The following FRMD4A variants were observed in gnomAD, a reference collection of about 807,000 sequenced individuals.
FRMD4A encodes FERM domain-containing protein 4A.
Under a neutral mutation model 129.1 loss-of-function variants are expected in FRMD4A, and 29 were observed. The observed-to-expected ratio is 0.22, with a 90% CI of 0.17 to 0.31. The LOEUF (loss-of-function observed/expected upper bound fraction) is 0.31. FRMD4A is among the 10% of genes least tolerant of loss of function. FRMD4A has a pLI of 1.00. For missense variants in FRMD4A, 1,272 were observed against 1,375.8 expected, an observed-to-expected ratio of 0.92 and a Z score of 1.19; for synonymous variants, 634 against 571.6, an observed-to-expected ratio of 1.11 and a Z score of -1.56.
intron 2 of FRMD4A, among the ~76,000 whole-genome samples, chr10:14,328,489 A>C (rs1843374728): frequency 6.6e-6 from 1 of 152,032 alleles, no homozygotes; most frequent in South Asian, 2.1e-4. Context: ...GTATAGAAGA[A>C]AGGTCCAAGT....
Position 13,755,130 on chromosome 10 carries a change from C to T in FRMD4A, c.464+6517G>A, listed in dbSNP as rs76999567. On this transcript the variant is annotated intron_variant, in intron 8 of 24. Coordinates refer to ENST00000357447, the MANE Select transcript of FRMD4A (RefSeq NM_018027.5). The stretch of plus-strand genomic sequence containing the variant: ...ATGACTTTGTCATCTTTTTAAAGAT[C>T]GCAATCGATATAAACGTTTATATTA... 4.6e-5 allele frequency among the ~76,000 whole-genome samples: 7 copies of T among 152,266 alleles called. No individual in the cohort carries two copies. The East Asian group carries it at 1.2e-3, about 25-fold the overall frequency.
At chr10:13,767,328 T>C (rs1354393396) in intron 6 of FRMD4A, among the ~76,000 whole-genome samples, 1 of 152,144 alleles carries the variant, frequency 6.6e-6, no homozygotes, top group Non-Finnish European at 1.5e-5. Flanking sequence ...AACCTCCGCC[T>C]TCTGGGTTCC....
chr10:14,284,662 A>G (rs1367648077), intron 2 of FRMD4A, among the ~76,000 whole-genome samples: 1 of 152,228 alleles, frequency 6.6e-6, no homozygotes, highest in Non-Finnish European at 1.5e-5. Flanking sequence ...CAAACAAACA[A>G]ACAAAAAATT....
intron 2 of FRMD4A, among the ~76,000 whole-genome samples, chr10:14,224,537 G>C (rs1843371550): frequency 6.6e-6 from 1 of 152,114 alleles, no homozygotes; most frequent in Non-Finnish European, 1.5e-5. Flanking sequence ...GAAGCATTTT[G>C]GACAGTCAAA....
chr10:13,906,071 C>T (rs1172520020), intron 2 of FRMD4A, among the ~76,000 whole-genome samples: 2 of 152,190 alleles, frequency 1.3e-5, no homozygotes, highest in Admixed American at 6.5e-5. Flanking sequence ...TAGGCTGAGC[C>T]TCTGCAGCCC....
At chr10:14,139,229 G>A (rs1839707922) in intron 2 of FRMD4A, among the ~76,000 whole-genome samples, 1 of 152,156 alleles carries the variant, frequency 6.6e-6, no homozygotes, top group Non-Finnish European at 1.5e-5. Context: ...ATGGTATGAT[G>A]TCAGAGATAT....
chr10:14,033,401 G>A (rs541223959), intron 2 of FRMD4A, among the ~76,000 whole-genome samples: 15 of 152,254 alleles, frequency 9.9e-5, no homozygotes, highest in African/African-American at 3.6e-4. Flanking sequence ...TGGGCTTCTA[G>A]TGTGACCATC....
At chr10:13,673,012 G>A (rs1448926839) in intron 16 of FRMD4A, among the ~76,000 whole-genome samples, 1 of 152,110 alleles carries the variant, frequency 6.6e-6, no homozygotes, top group Non-Finnish European at 1.5e-5. Context: ...TAAGAGCGAT[G>A]GTGAGATTTT....
intron 3 of FRMD4A, among the ~76,000 whole-genome samples, chr10:13,811,205 C>T (rs1358491185): frequency 6.7e-6 from 1 of 148,290 alleles, no homozygotes; most frequent in African/African-American, 2.5e-5. Context: ...GCATGATCTT[C>T]GCTCACTGCA....
At chr10:14,021,107 A>G (rs921646827) in intron 2 of FRMD4A, among the ~76,000 whole-genome samples, 11 of 152,144 alleles carry the variant, frequency 7.2e-5, no homozygotes, top group Non-Finnish European at 1.5e-5. Flanking sequence ...ATGCTTGCCA[A>G]CAATCTCACA....
At chr10:14,309,882 T>C (rs2132103317) in intron 2 of FRMD4A, among the ~76,000 whole-genome samples, 1 of 152,310 alleles carries the variant, frequency 6.6e-6, no homozygotes, top group East Asian at 1.9e-4. Context: ...CAGCTTTAAA[T>C]GTAAAGGCTG....
intron 2 of FRMD4A, among the ~76,000 whole-genome samples, chr10:14,070,028 G>T (rs1041544461): frequency 8.6e-5 from 13 of 152,038 alleles, no homozygotes; most frequent in African/African-American, 3.1e-4. Context: ...GGATGTTCTT[G>T]GTGGGACAGC....
chr10:13,884,184 A>ACCCT (rs780160804), intron 2 of FRMD4A, among the ~76,000 whole-genome samples: 1 of 79,550 alleles, frequency 1.3e-5, no homozygotes, highest in African/African-American at 4.3e-5. Flanking sequence ...ACTCACACAC[A>ACCCT]CACACACACA....
chr10:14,011,737 G>A (rs534270535), intron 2 of FRMD4A, among the ~76,000 whole-genome samples: 6 of 152,208 alleles, frequency 3.9e-5, no homozygotes, highest in Non-Finnish European at 7.4e-5. Context: ...GGCGGGACAC[G>A]GTGGCTCATG....
chr10:13,905,500 G>A (rs2094872360), intron 2 of FRMD4A, among the ~76,000 whole-genome samples: 1 of 152,132 alleles, frequency 6.6e-6, no homozygotes. Flanking sequence ...TTCAGAGAAT[G>A]CCCCTTGTGC....
intron 8 of FRMD4A, among the ~76,000 whole-genome samples, chr10:13,750,096 GAAA>G (rs2091517138): frequency 9.8e-6 from 1 of 101,804 alleles, no homozygotes; most frequent in Non-Finnish European, 2.1e-5. Context: ...AAGAAAGAAA[GAAA>G]GAAAGAAATG....
At chr10:13,984,411 A>G (rs1200563247) in intron 2 of FRMD4A, among the ~76,000 whole-genome samples, 1 of 152,162 alleles carries the variant, frequency 6.6e-6, no homozygotes, top group Non-Finnish European at 1.5e-5. Flanking sequence ...AAACTTTACA[A>G]TTTTAACCAT....
intron 2 of FRMD4A, among the ~76,000 whole-genome samples, chr10:13,939,688 CCAACAA>C (rs767202416): frequency 6.6e-6 from 1 of 152,156 alleles, no homozygotes; most frequent in Non-Finnish European, 1.5e-5. Flanking sequence ...CTTTGCAGAG[CCAACAA>C]CAACAAGAAT....
At position 14,225,452 on chromosome 10, in the gene FRMD4A, G is replaced by C. The variant is rs536695053; in HGVS notation, c.45+104606C>G. On this transcript the variant is annotated intron_variant, in intron 2 of 24. Transcript: ENST00000357447. ...GATTAATATTCCCAAGGGAAACCGT[G>C]CCTTCATTTGCATGAAGTGGGTCAT... is the stretch of plus-strand genomic sequence containing the variant. 3.3e-5 allele frequency among the ~76,000 whole-genome samples: 5 copies of C among 152,324 alleles called. No individual in the cohort carries two copies. The South Asian group carries it at 1.0e-3, about 32-fold the overall frequency.
Sources: allele counts gnomAD v4.1 joint callset (sites outside exome capture counted in the v4.1 genomes callset), GRCh38; gene constraint gnomAD v4.1.1; transcripts MANE v1.5; gene names NCBI Gene and HGNC (gene_info 2026-07-23, HGNC 2026-07-21).